Variants in UBP1 observed in about 807,000 individuals in gnomAD.
UBP1 encodes upstream-binding protein 1.
In UBP1, 22 loss-of-function variants were observed where a neutral mutation model predicts 76.1. The observed-to-expected ratio is 0.29, with a 90% CI of 0.21 to 0.41. The LOEUF is 0.41. Ranked by LOEUF, UBP1 falls within the 10% of genes least tolerant of loss-of-function variation. UBP1 has a pLI of 1.00. For synonymous variants in UBP1, 224 were observed against 237.1 expected (o/e 0.94, Z 0.51); for missense variants, 436 against 668.1 (o/e 0.65, Z 3.83).
Position 33,398,878 on chromosome 3 carries a change from T to G in UBP1, c.1180+1311A>C, listed in dbSNP as rs535158252. Among the ~76,000 whole-genome samples, 8 of 152,306 alleles carry G rather than the reference T, an allele frequency of 5.3e-5. No individual in the cohort carries two copies. In the South Asian group the frequency reaches 1.4e-3, roughly 28 times the overall value. On this transcript the variant is annotated intron_variant, in intron 11 of 15. Coordinates refer to ENST00000283629, the MANE Select transcript of UBP1 (RefSeq NM_014517.5). ...AACCCCAGCTCCCCGACCCTGAAAT[T>G]TTACAATTTCTAGTTTTTCACACAT... is the stretch of plus-strand genomic sequence containing the variant.
chr3:33,424,553 C>G (rs1311674110), intron 2 of UBP1, among the ~76,000 whole-genome samples: 1 of 152,180 alleles, frequency 6.6e-6, no homozygotes, highest in African/African-American at 2.4e-5. Context: ...TTGGCATTAT[C>G]CCTTCACATA....
chr3:33,409,604 A>G lies in UBP1; in HGVS notation c.556-3T>C. 6.2e-7 allele frequency: 1 copy of G among 1,614,172 alleles called. No homozygotes were observed. The highest frequency in any genetic ancestry group is 8.5e-7 in the Non-Finnish European group (1 of 1,179,996). ...AATTCTGTGCTGATGCAGTGTACCT[A>G]TAAAACGATTCAGGCTGAAATGGAT... On this transcript the variant is annotated splice_region_variant and splice_polypyrimidine_tract_variant and intron_variant, in intron 5 of 15. Transcript: ENST00000283629.
At chr3:33,423,446 T>C (rs940228277) in intron 2 of UBP1, among the ~76,000 whole-genome samples, 2 of 152,134 alleles carry the variant, frequency 1.3e-5, no homozygotes, top group East Asian at 3.8e-4. Flanking sequence ...AAGAAATAAA[T>C]GAACACAATT....
intron 7 of UBP1, 55 bp from the exon 8 acceptor site, chr3:33,408,852 C>T: frequency 7.0e-7 from 1 of 1,420,546 alleles, no homozygotes; most frequent in East Asian, 2.3e-5. Context: ...AAAGAAAGAT[C>T]TAACACCCTG....
intron 8 of UBP1, among the ~76,000 whole-genome samples, chr3:33,405,180 T>A (rs2044383899): frequency 1.3e-5 from 2 of 151,900 alleles, no homozygotes; most frequent in African/African-American, 4.8e-5. Flanking sequence ...AAAATAAAAA[T>A]AAATAAGAAA....
At chr3:33,390,709 A>G (rs2043728167) in intron 15 of UBP1, 1 of 298,028 alleles carries the variant, frequency 3.4e-6, no homozygotes, top group Non-Finnish European at 6.4e-6. Flanking sequence ...CAGGTGAAAT[A>G]TACTGTGTCA....
chr3:33,419,892 T>C (rs1477837186), intron 2 of UBP1, among the ~76,000 whole-genome samples: 1 of 152,220 alleles, frequency 6.6e-6, no homozygotes, highest in Non-Finnish European at 1.5e-5. Context: ...CCAACAGTAA[T>C]ATTCTGTGAG....
intron 1 of UBP1, among the ~76,000 whole-genome samples, chr3:33,429,861 C>T (rs2045084286): frequency 6.6e-6 from 1 of 152,186 alleles, no homozygotes; most frequent in African/African-American, 2.4e-5. Context: ...CTGCACTGTA[C>T]ACCCTCTCAT....
intron 3 of UBP1, chr3:33,414,313 T>A (rs936054979): frequency 3.3e-5 from 5 of 152,030 alleles, no homozygotes; most frequent in Non-Finnish European, 5.9e-5. Context: ...GGAAAGGAAC[T>A]TCTTATATGA....
At chr3:33,432,364 A>G (rs2045129405) in intron 1 of UBP1, among the ~76,000 whole-genome samples, 3 of 152,316 alleles carry the variant, frequency 2.0e-5, no homozygotes, top group Admixed American at 2.0e-4. Flanking sequence ...TAATTTAAAA[A>G]AATTTTTTGG....
intron 1 of UBP1, among the ~76,000 whole-genome samples, chr3:33,435,566 A>G (rs2045191506): frequency 1.3e-5 from 2 of 152,216 alleles, no homozygotes; most frequent in African/African-American, 4.8e-5. Flanking sequence ...TAAGCCCAGG[A>G]AAGTCAAGAC....
At chr3:33,400,342 C>CA in intron 10 of UBP1, 60 bp from the exon 11 acceptor site, 2 of 1,365,756 alleles carry the variant, frequency 1.5e-6, no homozygotes, top group African/African-American at 3.0e-5. Flanking sequence ...AACATTTAAA[C>CA]AAAACACAGA....
chr3:33,414,866 G>C (rs567142739), intron 3 of UBP1, among the ~76,000 whole-genome samples: 1 of 152,216 alleles, frequency 6.6e-6, no homozygotes, highest in South Asian at 2.1e-4. Flanking sequence ...GATGCCTTCA[G>C]AATAAGTAAC....
chr3:33,392,933 A>G, intron 14 of UBP1: 1 of 334,076 alleles, frequency 3.0e-6, no homozygotes, highest in Non-Finnish European at 5.4e-6. Flanking sequence ...CTTGCCACCA[A>G]TCACTAGGGG....
intron 1 of UBP1, among the ~76,000 whole-genome samples, chr3:33,438,365 T>C (rs1043424912): frequency 2.0e-5 from 3 of 152,232 alleles, no homozygotes; most frequent in African/African-American, 7.2e-5. Context: ...GCCTTGACTA[T>C]AAGCCTCGTG....
At position 33,401,007 on chromosome 3, in the gene UBP1, A is replaced by G; in HGVS notation, c.1041T>C (p.Ser347=). ...CTCCATCTCCCTGATGATTTGGGGA[A>G]GAAGAATTGCTGGGGAGAAAGGAGA... ...STCSVPDSNS[S]SPNHQGDGAS... The change falls in exon 10 of 16, where the codon TCT becomes TCC. Residue 347 remains serine (S), a synonymous_variant. Transcript: ENST00000283629. 3 of 1,593,278 alleles carry G rather than the reference A, an allele frequency of 1.9e-6. No individual in the cohort carries two copies. Among genetic ancestry groups the G allele is most frequent in the Non-Finnish European group, 2.6e-6 (3 of 1,172,564 alleles).
chr3:33,408,676 CAG>C lies in UBP1; in HGVS notation c.927+12_927+13del. Reference sequence around the variant, plus strand: ...GTTTCTTGCACAATGAAAAGAGAAGCAGAAGTCCCTTACACTGCCTCGCTTTG... The same window carrying C: ...GTTTCTTGCACAATGAAAAGAGAAGCAAGTCCCTTACACTGCCTCGCTTTG... On this transcript the variant is annotated intron_variant, in intron 8 of 15. Transcript: ENST00000283629. 7 of 1,603,434 alleles carry C rather than the reference CAG, an allele frequency of 4.4e-6. No individual in the cohort carries two copies. Among genetic ancestry groups the C allele is most frequent in the Non-Finnish European group, 6.0e-6 (7 of 1,175,524 alleles).
Position 33,409,097 on chromosome 3 carries a change from C to T in UBP1, c.819+139G>A, listed in dbSNP as rs2044505060. ...CAAAATCCCCAAATTTAAATATTTT[C>T]CCCAGAAATTTCACAGAGAATAACA... On this transcript the variant is annotated intron_variant, in intron 7 of 15. Transcript: ENST00000283629. 6 of 836,612 alleles carry T rather than the reference C, an allele frequency of 7.2e-6. No homozygotes were observed. The Admixed American group carries it at 1.6e-4, about 23-fold the overall frequency. The allele number at this position is 836,612 out of a possible 1,614,324, so 51.8% of individuals were successfully genotyped here. A position where few individuals can be genotyped will look rare whatever the true frequency, so the allele number is the denominator to read the frequency against.
In UBP1 at chr3:33,440,018, CACG is replaced by C; in HGVS notation, c.-173_-171del. On this transcript the variant is annotated 5_prime_UTR_variant, in exon 1 of 16. Transcript: ENST00000283629. ...AGCTGCGGGGGCCCCACTGGCAGGG[CACG>C]ACGAGCCCAGCGAGCAATTGCAGCG... The C allele has an allele frequency of 1.7e-6, 1 of 589,466 alleles. No homozygotes were observed. Among genetic ancestry groups the C allele is most frequent in the Non-Finnish European group, 2.8e-6 (1 of 361,270 alleles). The allele number at this position is 589,466 out of a possible 1,614,324, so 36.5% of individuals were successfully genotyped here.
Sources: allele counts gnomAD v4.1 joint callset (sites outside exome capture counted in the v4.1 genomes callset), GRCh38; gene constraint gnomAD v4.1.1; transcripts MANE v1.5; gene names NCBI Gene and HGNC (gene_info 2026-07-23, HGNC 2026-07-21).